The following CYSTM1 variants were observed in gnomAD, a reference collection of about 807,000 sequenced individuals.
CYSTM1 encodes the protein cysteine-rich transmembrane module-containing protein 1.
In CYSTM1, 4 loss-of-function variants were observed where a neutral mutation model predicts 13.1. The ratio of observed to expected loss-of-function variants is 0.31; its 90% CI spans 0.15 to 0.70. CYSTM1 has a LOEUF of 0.70. Ranked by LOEUF, CYSTM1 falls within the 30% of genes least tolerant of loss-of-function variation. The pLI, the probability that CYSTM1 is intolerant of heterozygous loss-of-function variation, is 0.72. For synonymous variants in CYSTM1, 36 were observed against 42.7 expected, an observed-to-expected ratio of 0.84 and a Z score of 0.62; for missense variants, 96 against 121.6, an observed-to-expected ratio of 0.79 and a Z score of 0.99.
chr5:140,200,363 T>C (rs1409622225), intron 2 of CYSTM1: 1 of 152,140 alleles, frequency 6.6e-6, no homozygotes, highest in Non-Finnish European at 1.5e-5. Context: ...CCCAATACCA[T>C]TTATTAAATA....
intron 1 of CYSTM1, among the ~76,000 whole-genome samples, chr5:140,193,821 G>A (rs774699514): frequency 6.6e-6 from 1 of 152,182 alleles, no homozygotes; most frequent in African/African-American, 2.4e-5. Context: ...CAGAGGAGAC[G>A]CTTGGCATTC....
intron 2 of CYSTM1, among the ~76,000 whole-genome samples, chr5:140,203,751 C>T (rs1764257831): frequency 6.6e-6 from 1 of 152,098 alleles, no homozygotes; most frequent in African/African-American, 2.4e-5. Context: ...TTTATTTTAT[C>T]ACCAAATTGA....
intron 1 of CYSTM1, among the ~76,000 whole-genome samples, chr5:140,189,432 C>CT (rs1263480621): frequency 6.6e-6 from 1 of 152,078 alleles, no homozygotes; most frequent in African/African-American, 2.4e-5. Flanking sequence ...CAGCACTATG[C>CT]TTCTTGTACA....
chr5:140,218,919 C>G (rs1764459984), intron 2 of CYSTM1, among the ~76,000 whole-genome samples: 1 of 152,148 alleles, frequency 6.6e-6, no homozygotes, highest in Admixed American at 6.5e-5. Context: ...TTTGGAGGGT[C>G]CCTACATACC....
chr5:140,233,351 G>T (rs1764639235), intron 2 of CYSTM1, among the ~76,000 whole-genome samples: 1 of 152,192 alleles, frequency 6.6e-6, no homozygotes, highest in Non-Finnish European at 1.5e-5. Flanking sequence ...TTATTGCTGA[G>T]AAGTATTCCA....
At chr5:140,212,665 A>G (rs964658814) in intron 2 of CYSTM1, among the ~76,000 whole-genome samples, 9 of 152,076 alleles carry the variant, frequency 5.9e-5, no homozygotes, top group South Asian at 2.1e-4. Context: ...AATTTAAAGT[A>G]TAGTAAATAT....
chr5:140,209,782 A>G (rs940077154), intron 2 of CYSTM1, among the ~76,000 whole-genome samples: 7 of 150,564 alleles, frequency 4.6e-5, no homozygotes, highest in Admixed American at 3.3e-4. Flanking sequence ...CTGGTCTCAA[A>G]CTCCTGACCT....
At chr5:140,220,036 C>T (rs1764472102) in intron 2 of CYSTM1, among the ~76,000 whole-genome samples, 1 of 152,158 alleles carries the variant, frequency 6.6e-6, no homozygotes, top group Non-Finnish European at 1.5e-5. Flanking sequence ...GTTTAGCCTT[C>T]TAAAATCATG....
intron 1 of CYSTM1, among the ~76,000 whole-genome samples, chr5:140,191,711 T>C (rs1561809783): frequency 6.6e-6 from 1 of 152,224 alleles, no homozygotes; most frequent in Non-Finnish European, 1.5e-5. Context: ...CAGGTTAAAC[T>C]ACAGTTTTAA....
Position 140,194,437 on chromosome 5 carries a change from G to A in CYSTM1, c.-20-9G>A. On this transcript the variant is annotated splice_polypyrimidine_tract_variant and intron_variant, in intron 1 of 2. Coordinates refer to ENST00000261811, the MANE Select transcript of CYSTM1 (RefSeq NM_032412.4). Reference sequence around the variant, plus strand: ...AATGCAAATAATTTTCATTCTTTTTGTCTCTTAGGTGCACTTTACAGGTCC... The same window carrying A: ...AATGCAAATAATTTTCATTCTTTTTATCTCTTAGGTGCACTTTACAGGTCC... 6.5e-7 allele frequency: 1 copy of A among 1,530,210 alleles called. No homozygotes were observed. The highest frequency in any genetic ancestry group is 8.8e-7 in the Non-Finnish European group (1 of 1,142,744). 94.8% of individuals were successfully genotyped at this position (1,530,210 alleles called of 1,614,324 possible). A position where few individuals can be genotyped will look rare whatever the true frequency, so the allele number is the denominator to read the frequency against.
intron 1 of CYSTM1, 63 bp from the exon 2 acceptor site, chr5:140,194,383 G>T: frequency 2.8e-6 from 4 of 1,424,724 alleles, no homozygotes; most frequent in Middle Eastern, 2.6e-4. Context: ...TATGGGTTAG[G>T]ATTTTATTCC....
At chr5:140,227,504 G>A (rs1764571310) in intron 2 of CYSTM1, among the ~76,000 whole-genome samples, 2 of 152,158 alleles carry the variant, frequency 1.3e-5, no homozygotes, top group South Asian at 2.1e-4. Context: ...AGACAGAATT[G>A]GATTTAAGGC....
intron 1 of CYSTM1, among the ~76,000 whole-genome samples, chr5:140,181,348 C>T (rs1048479392): frequency 1.3e-5 from 2 of 152,196 alleles, no homozygotes; most frequent in Non-Finnish European, 2.9e-5. Context: ...CTCCCCAACA[C>T]CACCCTCTCT....
intron 2 of CYSTM1, among the ~76,000 whole-genome samples, chr5:140,203,950 G>A (rs2126660961): frequency 6.6e-6 from 1 of 152,314 alleles, no homozygotes; most frequent in South Asian, 2.1e-4. Flanking sequence ...GATTTGAATT[G>A]TTAGGAGTAA....
intron 2 of CYSTM1, among the ~76,000 whole-genome samples, chr5:140,236,467 G>A (rs1238373117): frequency 6.6e-6 from 1 of 152,154 alleles, no homozygotes; most frequent in Non-Finnish European, 1.5e-5. Flanking sequence ...CATAGACAAT[G>A]GCCTAGAAAA....
chr5:140,195,984 G>T (rs998971957), intron 2 of CYSTM1, among the ~76,000 whole-genome samples: 10 of 151,044 alleles, frequency 6.6e-5, no homozygotes, highest in African/African-American at 2.4e-4. Context: ...GGCAGAGGTT[G>T]CTGTGAGCCA....
At chr5:140,242,785 C>T (rs963651768) in intron 2 of CYSTM1, among the ~76,000 whole-genome samples, 2 of 152,198 alleles carry the variant, frequency 1.3e-5, no homozygotes, top group African/African-American at 4.8e-5. Context: ...CTTCCTTCAT[C>T]GTTTATGTCA....
At position 140,175,272 on chromosome 5, in the gene CYSTM1, C is replaced by G. The variant is rs1168815646; in HGVS notation, c.-34C>G. On this transcript the variant is annotated 5_prime_UTR_variant, in exon 1 of 3. Transcript: ENST00000261811. This position sits in a 1 kb window ranked among gnomAD's most constrained non-coding sequence, Gnocchi z 4.9. The stretch of plus-strand genomic sequence containing the variant: ...AGACCCGACCGTTATCCAGTCGGTT[C>G]GTGGAGAGGAGAGGTGAGGTGCAGC... 6.6e-6 allele frequency: 1 copy of G among 152,424 alleles called. No homozygotes were observed. Among genetic ancestry groups the G allele is most frequent in the Non-Finnish European group, 1.5e-5 (1 of 68,220 alleles). 9.4% of individuals were successfully genotyped at this position (152,424 alleles called of 1,614,324 possible).
chr5:140,217,302 T>C (rs753107865), intron 2 of CYSTM1, among the ~76,000 whole-genome samples: 1 of 152,160 alleles, frequency 6.6e-6, no homozygotes, highest in Non-Finnish European at 1.5e-5. Flanking sequence ...GAAGGATTAA[T>C]ATTTCTCTCT....
Sources: gnomAD v4.1 joint callset for allele counts (sites outside exome capture counted in the v4.1 genomes callset) on GRCh38, gnomAD v4.1.1 for gene constraint, Gnocchi (gnomAD v3.1) non-coding constraint, MANE v1.5 for transcripts, NCBI Gene and HGNC (gene_info 2026-07-23, HGNC 2026-07-21) for gene names.